Variants in GPC6 observed in about 807,000 individuals in gnomAD.
GPC6 encodes glypican 6, also known as glypican-6.
Under a neutral mutation model 55.2 loss-of-function variants are expected in GPC6, and 14 were observed. The ratio of observed to expected loss-of-function variants is 0.25; its 90% CI spans 0.17 to 0.40. The LOEUF (loss-of-function observed/expected upper bound fraction) is 0.40. GPC6 is among the 10% of genes least tolerant of loss of function. The pLI, the probability that GPC6 is intolerant of heterozygous loss-of-function variation, is 1.00. For missense variants in GPC6, 641 were observed against 708.5 expected, an observed-to-expected ratio of 0.90 and a Z score of 1.08; for synonymous variants, 278 against 259.6, an observed-to-expected ratio of 1.07 and a Z score of -0.68.
At chr13:94,311,036 C>T (rs1876216946) in intron 6 of GPC6, among the ~76,000 whole-genome samples, 1 of 152,066 alleles carries the variant, frequency 6.6e-6, no homozygotes, top group Admixed American at 6.6e-5. Context: ...ACTTGAATTT[C>T]CTGATATCTT....
chr13:93,271,505 T>C (rs1877525933), intron 1 of GPC6, among the ~76,000 whole-genome samples: 1 of 151,944 alleles, frequency 6.6e-6, no homozygotes, highest in African/African-American at 2.4e-5. Context: ...AGGCGTGACA[T>C]GTATCAGATA....
intron 1 of GPC6, among the ~76,000 whole-genome samples, chr13:93,512,341 G>C (rs996935206): frequency 3.9e-5 from 6 of 152,026 alleles, no homozygotes; most frequent in Non-Finnish European, 7.4e-5. Flanking sequence ...TTATATTGAG[G>C]TGTGTTCTGT....
intron 2 of GPC6, among the ~76,000 whole-genome samples, chr13:93,820,003 G>A (rs1240587476): frequency 2.0e-5 from 3 of 152,116 alleles, no homozygotes; most frequent in Middle Eastern, 3.2e-3. Flanking sequence ...ACATAGTGCT[G>A]CTTTTCAGGA....
At chr13:93,233,934 TTAAA>T (rs1250713027) in intron 1 of GPC6, among the ~76,000 whole-genome samples, 5 of 152,178 alleles carry the variant, frequency 3.3e-5, no homozygotes, top group Non-Finnish European at 7.3e-5. Flanking sequence ...GAACCTTTAG[TTAAA>T]AAGCCCAGTA....
intron 2 of GPC6, among the ~76,000 whole-genome samples, chr13:93,820,031 C>T (rs1307550743): frequency 6.6e-6 from 1 of 152,166 alleles, no homozygotes; most frequent in African/African-American, 2.4e-5. Context: ...ATTTTTGCAA[C>T]TGAATTACAC....
Position 93,907,193 on chromosome 13 carries a change from A to G in GPC6, c.711+76648A>G, listed in dbSNP as rs534453949. On this transcript the variant is annotated intron_variant, in intron 3 of 8. Transcript: ENST00000377047. ...TGAAAATAAATACCTCCAAAAAGAA[A>G]TGTGTCTGCAGACCTGCTATAATCC... Among the ~76,000 whole-genome samples, 200 of 152,280 alleles carry G rather than the reference A, an allele frequency of 1.3e-3. 2 individuals carry two copies. The highest frequency in any genetic ancestry group is 1.8e-3 in the Non-Finnish European group (125 of 67,994).
chr13:94,296,111 C>A (rs1313623617), intron 5 of GPC6, among the ~76,000 whole-genome samples: 4 of 152,132 alleles, frequency 2.6e-5, no homozygotes, highest in Non-Finnish European at 5.9e-5. Flanking sequence ...GGAAGCACAC[C>A]TTTTTTTAGA....
At chr13:93,419,217 G>A (rs1046208459) in intron 1 of GPC6, among the ~76,000 whole-genome samples, 15 of 151,418 alleles carry the variant, frequency 9.9e-5, no homozygotes, top group African/African-American at 3.1e-4. Flanking sequence ...GGGTAAAAAT[G>A]GGACTATAAG....
chr13:93,802,334 TCAG>T (rs1886401539), intron 2 of GPC6, among the ~76,000 whole-genome samples: 1 of 152,036 alleles, frequency 6.6e-6, no homozygotes, highest in Non-Finnish European at 1.5e-5. Context: ...TTGCTATCAC[TCAG>T]ACACTTCCCC....
At chr13:94,162,739 T>G (rs34859071) in intron 4 of GPC6, among the ~76,000 whole-genome samples, 11,745 of 152,240 alleles carry the variant, frequency 0.077, 675 homozygotes, top group Non-Finnish European at 0.12. Flanking sequence ...TATCTAGTTT[T>G]TTTTCTTCTG....
intron 2 of GPC6, among the ~76,000 whole-genome samples, chr13:93,782,736 A>G (rs1885694112): frequency 1.3e-5 from 2 of 152,056 alleles, no homozygotes; most frequent in South Asian, 4.1e-4. Flanking sequence ...CTTTTAAGAA[A>G]TATTTGTTTA....
intron 2 of GPC6, among the ~76,000 whole-genome samples, chr13:93,740,121 A>G (rs1344625928): frequency 1.3e-5 from 2 of 152,192 alleles, no homozygotes; most frequent in African/African-American, 4.8e-5. Flanking sequence ...TCCAATAACC[A>G]GTAAGACAGT....
At position 94,008,598 on chromosome 13, in the gene GPC6, G is replaced by A. The variant is rs182077946; in HGVS notation, c.712-19131G>A. On this transcript the variant is annotated intron_variant, in intron 3 of 8. Coordinates refer to ENST00000377047, the MANE Select transcript of GPC6 (RefSeq NM_005708.5). ...ACCCAGGAAGCAGAGGTTGCAGTGC[G>A]CCGAGATCATGCCACTGTACTCCAG... is the stretch of plus-strand genomic sequence containing the variant. 2.0e-4 allele frequency among the ~76,000 whole-genome samples: 30 copies of A among 152,190 alleles called. No homozygotes were observed. The South Asian group carries it at 4.6e-3, about 23-fold the overall frequency.
intron 1 of GPC6, among the ~76,000 whole-genome samples, chr13:93,485,415 C>T (rs949926457): frequency 1.3e-5 from 2 of 152,094 alleles, no homozygotes. Flanking sequence ...AGTCAGGAGT[C>T]GTAGTAAGGG....
intron 2 of GPC6, among the ~76,000 whole-genome samples, chr13:93,557,834 A>G (rs1213657331): frequency 6.6e-6 from 1 of 152,190 alleles, no homozygotes; most frequent in Non-Finnish European, 1.5e-5. Flanking sequence ...CACATTCCCA[A>G]AATGTATTGG....
In GPC6 at chr13:94,270,964, A is replaced by ATTTT. The variant is rs764819082; in HGVS notation, c.878-15347_878-15344dup. Among the ~76,000 whole-genome samples the ATTTT allele has an allele frequency of 9.1e-4, 45 of 49,672 alleles. 3 individuals are homozygous for ATTTT. The highest frequency in any genetic ancestry group is 1.3e-3 in the Admixed American group (4 of 3,070). 32.6% of individuals were successfully genotyped at this position (49,672 alleles called of 152,430 possible). A position where few individuals can be genotyped will look rare whatever the true frequency, so the allele number is the denominator to read the frequency against. On this transcript the variant is annotated intron_variant, in intron 4 of 8. Coordinates refer to ENST00000377047, the MANE Select transcript of GPC6 (RefSeq NM_005708.5). ...AAAGGACCAGAGACAGAGAAGTATA[A>ATTTT]TTTTTTTTTTTTTTTTTTTTTTTTT...
intron 4 of GPC6, among the ~76,000 whole-genome samples, chr13:94,248,223 T>G (rs1362108795): frequency 6.6e-6 from 1 of 152,156 alleles, no homozygotes; most frequent in Non-Finnish European, 1.5e-5. Context: ...CAAAAAATTT[T>G]CAGTCAGCTC....
intron 4 of GPC6, among the ~76,000 whole-genome samples, chr13:94,135,339 G>GA (rs1170502818): frequency 2.7e-5 from 4 of 150,248 alleles, no homozygotes; most frequent in Admixed American, 6.6e-5. Flanking sequence ...ATGTGCATTT[G>GA]AAAAAAAAGT....
At chr13:93,830,080 G>A in intron 2 of GPC6, 74 bp from the exon 3 acceptor site, 2 of 1,019,752 alleles carry the variant, frequency 2.0e-6, no homozygotes, top group Non-Finnish European at 3.0e-6. Flanking sequence ...AAAAGCAGTT[G>A]TACTTAAGGT....
Sources: gnomAD v4.1 joint callset for allele counts (sites outside exome capture counted in the v4.1 genomes callset) on GRCh38, gnomAD v4.1.1 for gene constraint, MANE v1.5 for transcripts, NCBI Gene and HGNC (gene_info 2026-07-23, HGNC 2026-07-21) for gene names.